Variants in FAF1 observed in about 807,000 individuals in gnomAD.
The protein encoded by FAF1 is FAS-associated factor 1.
In FAF1, 25 loss-of-function variants were observed where a neutral mutation model predicts 92.5. The observed-to-expected ratio is 0.27, with a 90% CI of 0.20 to 0.38. The LOEUF (loss-of-function observed/expected upper bound fraction) is 0.38, where lower values mean the gene tolerates loss of function less well. Ranked by LOEUF, FAF1 falls within the 10% of genes least tolerant of loss-of-function variation. FAF1 has a pLI of 1.00. For synonymous variants in FAF1, 234 were observed against 273.2 expected, an observed-to-expected ratio of 0.86 and a Z score of 1.42; for missense variants, 636 against 793.3, an observed-to-expected ratio of 0.80 and a Z score of 2.38.
intron 2 of FAF1, among the ~76,000 whole-genome samples, chr1:50,811,031 A>G (rs1643902915): frequency 6.6e-6 from 1 of 152,002 alleles, no homozygotes; most frequent in Admixed American, 6.6e-5. Context: ...TGACAGAGTG[A>G]GACTCTGTCT....
chr1:50,933,842 G>C (rs926086116), intron 1 of FAF1, among the ~76,000 whole-genome samples: 5 of 152,138 alleles, frequency 3.3e-5, no homozygotes, highest in Admixed American at 6.5e-5. Flanking sequence ...ACATGGCAAC[G>C]GCAAGAGAAA....
intron 6 of FAF1, among the ~76,000 whole-genome samples, chr1:50,710,000 G>A (rs749369213): frequency 1.3e-5 from 2 of 152,134 alleles, no homozygotes; most frequent in Non-Finnish European, 2.9e-5. Flanking sequence ...AAAGCAATGA[G>A]GAAGAAGTGT....
chr1:50,561,892 A>T (rs1649931082), intron 13 of FAF1, among the ~76,000 whole-genome samples: 1 of 151,864 alleles, frequency 6.6e-6, no homozygotes, highest in Admixed American at 6.6e-5. Flanking sequence ...GAAGGAAGGA[A>T]GGAAGTTGTG....
At chr1:50,787,411 T>C (rs1419696781) in intron 4 of FAF1, among the ~76,000 whole-genome samples, 1 of 152,202 alleles carries the variant, frequency 6.6e-6, no homozygotes, top group Non-Finnish European at 1.5e-5. Flanking sequence ...AAGAGTTTGA[T>C]GAAGGGAGTC....
At chr1:50,808,274 AAAAG>A (rs1225419137) in intron 2 of FAF1, among the ~76,000 whole-genome samples, 10 of 152,212 alleles carry the variant, frequency 6.6e-5, no homozygotes, top group African/African-American at 2.2e-4. Flanking sequence ...CTAAATATGG[AAAAG>A]AAAGACTAAT....
chr1:50,534,344 G>A (rs1229449694), intron 15 of FAF1, among the ~76,000 whole-genome samples: 1 of 152,068 alleles, frequency 6.6e-6, no homozygotes, highest in Non-Finnish European at 1.5e-5. Context: ...ACAGTGGCAT[G>A]ATCTTGGCTC....
At chr1:50,673,375 T>C (rs1417614909) in intron 7 of FAF1, among the ~76,000 whole-genome samples, 1 of 151,908 alleles carries the variant, frequency 6.6e-6, no homozygotes, top group Non-Finnish European at 1.5e-5. Context: ...GTACACTGAG[T>C]GCTAATAATT....
intron 15 of FAF1, among the ~76,000 whole-genome samples, chr1:50,524,525 A>C (rs566280027): frequency 6.6e-6 from 1 of 152,124 alleles, no homozygotes; most frequent in Non-Finnish European, 1.5e-5. Context: ...TGGGTTTTCC[A>C]TTTAAGTCTT....
At chr1:50,694,050 T>C (rs554444415) in intron 7 of FAF1, among the ~76,000 whole-genome samples, 16 of 143,098 alleles carry the variant, frequency 1.1e-4, no homozygotes, top group African/African-American at 4.8e-4. Flanking sequence ...ACATGACATG[T>C]ATGACATATA....
In FAF1 at chr1:50,583,713, G is replaced by T; in HGVS notation, c.970C>A (p.Pro324Thr). Reference sequence around the variant, plus strand: ...TCTCCTTCATTTTCTGCGTTTTCTGGCACTAAAAAACAAACAAAAGAAAAA... The same window carrying T: ...TCTCCTTCATTTTCTGCGTTTTCTGTCACTAAAAAACAAACAAAAGAAAAA... ...SSALRKSPMM[P>T]ENAENEGDAL... The change falls in exon 11 of 19, where the codon CCA becomes ACA. Residue 324 changes from proline (P) to threonine (T), a missense_variant and splice_region_variant. Transcript: ENST00000396153. The surrounding 1 kb of genome is among the most constrained non-coding windows in gnomAD (Gnocchi z 4.2). The T allele has an allele frequency of 6.4e-7, 1 of 1,557,136 alleles. No homozygotes were observed. The highest frequency in any genetic ancestry group is 8.7e-7 in the Non-Finnish European group (1 of 1,148,116).
intron 3 of FAF1, among the ~76,000 whole-genome samples, chr1:50,797,555 T>C (rs1378064335): frequency 6.6e-6 from 1 of 151,608 alleles, no homozygotes. Context: ...AAAAATTAGC[T>C]AGGTGTGGTG....
rs202064951 is a variant in FAF1, at chr1:50,720,000, CTT to C, written c.552-14111_552-14110del. On this transcript the variant is annotated intron_variant, in intron 6 of 18. Coordinates refer to ENST00000396153, the MANE Select transcript of FAF1 (RefSeq NM_007051.3). ...TGTCCTCTTCTTAAAATTAAACACACTTTTTTTTTTTTTTTCTTTGAGAAGGA... is the reference window on the plus strand; with the variant it reads ...TGTCCTCTTCTTAAAATTAAACACACTTTTTTTTTTTTTCTTTGAGAAGGA... Among the ~76,000 whole-genome samples, 35 of 144,280 alleles carry C rather than the reference CTT, an allele frequency of 2.4e-4. No individual in the cohort carries two copies. The East Asian group carries it at 4.0e-3, about 16-fold the overall frequency. 94.7% of individuals were successfully genotyped at this position (144,280 alleles called of 152,430 possible).
chr1:50,620,306 C>T (rs539328071), intron 8 of FAF1, among the ~76,000 whole-genome samples: 2 of 152,174 alleles, frequency 1.3e-5, no homozygotes, highest in Admixed American at 1.3e-4. Flanking sequence ...ATTTGAAGAA[C>T]CAGTCTTTGA....
chr1:50,768,579 C>G (rs982852361), intron 4 of FAF1, among the ~76,000 whole-genome samples: 3 of 151,848 alleles, frequency 2.0e-5, no homozygotes, highest in East Asian at 3.9e-4. Flanking sequence ...AAAACAATAG[C>G]AATCACACTA....
At chr1:50,611,405 T>A (rs1652677925) in intron 8 of FAF1, among the ~76,000 whole-genome samples, 1 of 152,228 alleles carries the variant, frequency 6.6e-6, no homozygotes, top group South Asian at 2.1e-4. Flanking sequence ...TAAGCCTCTC[T>A]GTTTCAAGTG....
intron 13 of FAF1, among the ~76,000 whole-genome samples, chr1:50,548,296 A>G (rs573882456): frequency 6.6e-6 from 1 of 152,294 alleles, no homozygotes; most frequent in East Asian, 1.9e-4. Context: ...AGTGGTTCAG[A>G]TGAAGTGCTG....
At chr1:50,825,586 C>T (rs1029967623) in intron 2 of FAF1, among the ~76,000 whole-genome samples, 1 of 151,512 alleles carries the variant, frequency 6.6e-6, no homozygotes, top group African/African-American at 2.4e-5. Context: ...GAGATTTTAA[C>T]GTATATCTAC....
intron 17 of FAF1, among the ~76,000 whole-genome samples, chr1:50,483,308 A>G (rs1646724157): frequency 1.3e-5 from 2 of 152,022 alleles, no homozygotes; most frequent in Admixed American, 1.3e-4. Context: ...AAATCAATTG[A>G]CCATATATGT....
intron 8 of FAF1, among the ~76,000 whole-genome samples, chr1:50,650,337 G>A (rs1569676353): frequency 6.7e-6 from 1 of 150,052 alleles, no homozygotes; most frequent in African/African-American, 2.5e-5. Flanking sequence ...GCCGGGCACA[G>A]TGGCTTAGGC....
Sources: allele counts gnomAD v4.1 joint callset (sites outside exome capture counted in the v4.1 genomes callset), GRCh38; gene constraint gnomAD v4.1.1; non-coding constraint Gnocchi (gnomAD v3.1); transcripts MANE v1.5; gene names NCBI Gene and HGNC (gene_info 2026-07-23, HGNC 2026-07-21).